The following PRAC2 variants were observed in gnomAD, a reference collection of about 807,000 sequenced individuals.
PRAC2 encodes protein PRAC2.
For synonymous variants in PRAC2, 43 were observed against 49.5 expected (o/e 0.87, Z 0.55); for missense variants, 92 against 114.5 (o/e 0.80, Z 0.90).
chr17:48,718,694 G>A (rs1257959561), upstream of PRAC2, among the ~76,000 whole-genome samples: 1 of 152,138 alleles, frequency 6.6e-6, no homozygotes, highest in Non-Finnish European at 1.5e-5. Context: ...TCTTTTCCCC[G>A]AAGGTCAGAC....
chr17:48,718,941 G>T (rs2038119739), upstream of PRAC2, among the ~76,000 whole-genome samples: 1 of 152,184 alleles, frequency 6.6e-6, no homozygotes, highest in African/African-American at 2.4e-5. Flanking sequence ...AAATACGGAG[G>T]CCAGGAGCTT....
chr17:48,721,880 T>C (rs1295058762), upstream of PRAC2: 3 of 1,527,980 alleles, frequency 2.0e-6, no homozygotes, highest in Non-Finnish European at 1.8e-6. Context: ...GCCCAGTAGA[T>C]GTTTCAAAGT....
upstream of PRAC2, among the ~76,000 whole-genome samples, chr17:48,719,332 C>T (rs1317446920): frequency 6.6e-6 from 1 of 152,314 alleles, no homozygotes; most frequent in Admixed American, 6.5e-5. Context: ...GCCGGTTTCC[C>T]GGGTCGGATG....
chr17:48,721,119 A>T (rs980310660), upstream of PRAC2, among the ~76,000 whole-genome samples: 1 of 152,030 alleles, frequency 6.6e-6, no homozygotes, highest in Non-Finnish European at 1.5e-5. Flanking sequence ...TACTGTGCCC[A>T]CCCCAAGACC....
rs1281942450 is a variant in PRAC2 at position 48,724,607 on chromosome 17, A to G, written c.197A>G (p.His66Arg). Reference protein sequence around the residue: ...VLDPHTQLSTHEAPGRWKPVA... With the variant: ...VLDPHTQLSTREAPGRWKPVA... Reference sequence around the variant, plus strand: ...GACCCCCACACGCAGCTCAGTACCCACGAGGCCCCAGGCCGCTGGAAGCCT... The same window carrying G: ...GACCCCCACACGCAGCTCAGTACCCGCGAGGCCCCAGGCCGCTGGAAGCCT... The change falls in exon 2 of 2, where the codon CAC (histidine) becomes CGC (arginine). Residue 66 changes from histidine to arginine, a missense_variant. Physicochemically the swap from His to Arg is conservative, Grantham distance 29. Coordinates refer to ENST00000422730, the MANE Select transcript of PRAC2 (RefSeq NM_001282275.2). The G allele has an allele frequency of 2.4e-6, 3 of 1,232,036 alleles. No homozygotes were observed. The highest frequency in any genetic ancestry group is 3.0e-6 in the Non-Finnish European group (3 of 987,992). The allele number at this position is 1,232,036 out of a possible 1,614,324, so 76.3% of individuals were successfully genotyped here. A position where few individuals can be genotyped will look rare whatever the true frequency, so the allele number is the denominator to read the frequency against.
upstream of PRAC2, among the ~76,000 whole-genome samples, chr17:48,721,357 ACT>A (rs2038143203): frequency 6.6e-6 from 1 of 151,976 alleles, no homozygotes. Flanking sequence ...ACAGAGTCTC[ACT>A]CTGTCACATA....
At position 48,724,575 on chromosome 17, in the gene PRAC2, G is replaced by C; in HGVS notation, c.165G>C (p.Arg55=). ...CCTGGCCGAATGGCAGGCGACATCG[G>C]GTCCTGGACCCCCACACGCAGCTCA... The part of the protein sequence containing the change: ...PMPWPNGRRH[R]VLDPHTQLST... Residue 55 remains arginine (R), a synonymous_variant, in exon 2 of 2, where the codon CGG becomes CGC. Transcript: ENST00000422730. 8.1e-7 allele frequency: 1 copy of C among 1,232,112 alleles called. No homozygotes were observed. Among genetic ancestry groups the C allele is most frequent in the Non-Finnish European group, 1.0e-6 (1 of 987,934 alleles). The allele number at this position is 1,232,112 out of a possible 1,614,324, so 76.3% of individuals were successfully genotyped here. A position where few individuals can be genotyped will look rare whatever the true frequency, so the allele number is the denominator to read the frequency against.
upstream of PRAC2, chr17:48,722,476 C>G (rs993496704): frequency 1.9e-5 from 23 of 1,189,920 alleles, no homozygotes; most frequent in South Asian, 2.7e-4. Context: ...TTTCAGCCTC[C>G]CAGTGGCGCT....
chr17:48,718,783 A>G (rs968900761), upstream of PRAC2, among the ~76,000 whole-genome samples: 8 of 152,156 alleles, frequency 5.3e-5, no homozygotes, highest in African/African-American at 1.9e-4. Flanking sequence ...GAAGACCGCA[A>G]ACCCCTTTGG....
At position 48,724,325 on chromosome 17, in the gene PRAC2, C is replaced by T. The variant is rs543910385; in HGVS notation, c.-83-3C>T. On this transcript the variant is annotated splice_region_variant and splice_polypyrimidine_tract_variant and intron_variant, in intron 1 of 1. Transcript: ENST00000422730. ...AAAACGAAATTAAATATTTTTTGCA[C>T]AGGTTCCATACAAGTAAATCCGAAA... 83 of 1,229,352 alleles carry T rather than the reference C, an allele frequency of 6.8e-5. No homozygotes were observed. In the Middle Eastern group the frequency reaches 1.7e-3, roughly 25 times the overall value. The allele number at this position is 1,229,352 out of a possible 1,614,324, so 76.2% of individuals were successfully genotyped here. A position where few individuals can be genotyped will look rare whatever the true frequency, so the allele number is the denominator to read the frequency against.
rs1440275982 is a variant in PRAC2 at position 48,724,676 on chromosome 17, A to G, written c.266A>G (p.Glu89Gly). The stretch of plus-strand genomic sequence containing the variant: ...AAAGCCTGCCCGCAGGTTCTCCTGG[A>G]GTGGTGAGCCTCTGTCGGAAGGGGG... ...TMKACPQVLL[E>G]W The change falls in exon 2 of 2, where the codon GAG becomes GGG. Residue 89 changes from glutamate to glycine, a missense_variant. Coordinates refer to ENST00000422730, the MANE Select transcript of PRAC2 (RefSeq NM_001282275.2). 2.4e-6 allele frequency: 3 copies of G among 1,232,066 alleles called. No individual in the cohort carries two copies. Among genetic ancestry groups the G allele is most frequent in the Middle Eastern group, 3.1e-4 (1 of 3,206 alleles). The allele number at this position is 1,232,066 out of a possible 1,614,324, so 76.3% of individuals were successfully genotyped here. A position where few individuals can be genotyped will look rare whatever the true frequency, so the allele number is the denominator to read the frequency against.
upstream of PRAC2, chr17:48,722,629 G>T (rs1296675605): frequency 5.7e-6 from 3 of 528,144 alleles, no homozygotes; most frequent in Non-Finnish European, 1.0e-5. Context: ...AGGGGCGAAA[G>T]CTGGAGTGTC....
chr17:48,723,604 G>A (rs758734179), intron 1 of PRAC2: 213 of 812,802 alleles, frequency 2.6e-4, no homozygotes, highest in Non-Finnish European at 3.3e-4. Flanking sequence ...ACTACTATTT[G>A]GAGTAGGGAT....
chr17:48,723,042 C>T (rs2038162399), upstream of PRAC2: 1 of 152,924 alleles, frequency 6.5e-6, no homozygotes, highest in Admixed American at 6.5e-5. Flanking sequence ...CCCCTCTACA[C>T]AGAACTAACT....
At position 48,724,437 on chromosome 17, in the gene PRAC2, G is replaced by T. The variant is rs2038181743; in HGVS notation, c.27G>T (p.Arg9=). Residue 9 remains arginine (R), a synonymous_variant, in exon 2 of 2, where the codon CGG becomes CGT. Coordinates refer to ENST00000422730, the MANE Select transcript of PRAC2 (RefSeq NM_001282275.2). ...TGGACAGAAGGCGGATGGCTCTGCG[G>T]CCTGGCTCCCGCAGACCGACCGCCT... MDRRRMAL[R]PGSRRPTAFF... is the part of the protein sequence containing the mutation. 1 of 1,234,332 alleles carries T rather than the reference G, an allele frequency of 8.1e-7. No individual in the cohort carries two copies. Among genetic ancestry groups the T allele is most frequent in the Non-Finnish European group, 1.0e-6 (1 of 988,162 alleles). 76.5% of individuals were successfully genotyped at this position (1,234,332 alleles called of 1,614,324 possible).
At chr17:48,721,302 G>C (rs1399244566), upstream of PRAC2, among the ~76,000 whole-genome samples, 2 of 152,044 alleles carry the variant, frequency 1.3e-5, no homozygotes, top group African/African-American at 4.8e-5. Context: ...GGAAGCCAGG[G>C]GCCCAGAGAA....
upstream of PRAC2, chr17:48,722,422 G>A (rs1253347200): frequency 6.2e-7 from 1 of 1,605,568 alleles, no homozygotes; most frequent in Non-Finnish European, 8.5e-7. Context: ...GTGGGGACCA[G>A]AATCCAGCTT....
intron 1 of PRAC2, chr17:48,723,810 C>T (rs2038172988): frequency 8.3e-7 from 1 of 1,206,606 alleles, no homozygotes; most frequent in Non-Finnish European, 1.0e-6. Context: ...CCTTATTCGG[C>T]TTCTGGAGGC....
At chr17:48,722,078 G>C (rs987427377), upstream of PRAC2, among the ~76,000 whole-genome samples, 1 of 152,112 alleles carries the variant, frequency 6.6e-6, no homozygotes, top group African/African-American at 2.4e-5. Flanking sequence ...CAGGTCCCGC[G>C]TGCTGCGAAA....
Sources: allele counts gnomAD v4.1 joint callset (sites outside exome capture counted in the v4.1 genomes callset), GRCh38; gene constraint gnomAD v4.1.1; transcripts MANE v1.5; gene names NCBI Gene and HGNC (gene_info 2026-07-23, HGNC 2026-07-21).